Variants in PPP1R37 observed in about 807,000 individuals in gnomAD.
PPP1R37 encodes leucine rich repeat containing 68.
Under a neutral mutation model 61.0 loss-of-function variants are expected in PPP1R37, and 21 were observed. That is an observed-to-expected ratio of 0.34 (90% CI 0.24 to 0.50). The LOEUF is 0.50. Among genes scored for constraint, PPP1R37 ranks in the 20% least tolerant of loss-of-function variants. The pLI, the probability that PPP1R37 is intolerant of heterozygous loss-of-function variation, is 0.98. For synonymous variants in PPP1R37, 443 were observed against 433.5 expected, an observed-to-expected ratio of 1.02 and a Z score of -0.27; for missense variants, 910 against 952.7, an observed-to-expected ratio of 0.96 and a Z score of 0.59.
intron 1 of PPP1R37, among the ~76,000 whole-genome samples, chr19:45,111,993 C>G (rs1234473025): frequency 1.3e-5 from 2 of 150,692 alleles, no homozygotes; most frequent in South Asian, 4.2e-4. Flanking sequence ...TCTTTTGAGA[C>G]AGTCTCGCTC....
chr19:45,140,879 C>G (rs1968602381), intron 4 of PPP1R37, among the ~76,000 whole-genome samples: 1 of 152,168 alleles, frequency 6.6e-6, no homozygotes, highest in Non-Finnish European at 1.5e-5. Flanking sequence ...CCCAGGAGCC[C>G]TTTCAGGAAC....
At chr19:45,127,796 G>A (rs369034322) in intron 1 of PPP1R37, among the ~76,000 whole-genome samples, 1 of 152,028 alleles carries the variant, frequency 6.6e-6, no homozygotes, top group African/African-American at 2.4e-5. Flanking sequence ...CTAACACAGT[G>A]AAACCCTGTC....
chr19:45,146,465 C>T lies in PPP1R37; in HGVS notation c.2069C>T (p.Thr690Ile), dbSNP rs1362087823. Residue 690 changes from threonine (T) to isoleucine (I), a missense_variant, in exon 12 of 13, where the codon ACA becomes ATA. Physicochemically the swap from Thr to Ile is moderately conservative, Grantham distance 89 (BLOSUM62 -1). Coordinates refer to ENST00000221462, the MANE Select transcript of PPP1R37 (RefSeq NM_019121.2). ...GCCAGTCAGGAATCCGGGCAGGAGA[C>T]ACTGTGACACTTTAGGTGAGGCCAG... ...LEASQESGQETL is the reference protein window; with the variant it reads ...LEASQESGQEIL The T allele has an allele frequency of 5.2e-6, 8 of 1,535,388 alleles. No homozygotes were observed. The highest frequency in any genetic ancestry group is 7.0e-6 in the Non-Finnish European group (8 of 1,146,550).
At chr19:45,138,047 T>C (rs577508051) in intron 1 of PPP1R37, among the ~76,000 whole-genome samples, 3 of 152,100 alleles carry the variant, frequency 2.0e-5, no homozygotes, top group African/African-American at 4.8e-5. Context: ...TGCTTGAGCC[T>C]GGGAGGTCAA....
At chr19:45,112,103 C>G (rs950667858) in intron 1 of PPP1R37, among the ~76,000 whole-genome samples, 4 of 151,980 alleles carry the variant, frequency 2.6e-5, no homozygotes, top group African/African-American at 9.7e-5. Context: ...CAAATCCCAG[C>G]TGGGATTACA....
At chr19:45,103,223 C>T (rs1018124083) in intron 1 of PPP1R37, among the ~76,000 whole-genome samples, 2 of 152,194 alleles carry the variant, frequency 1.3e-5, no homozygotes, top group Non-Finnish European at 2.9e-5. Flanking sequence ...CTCTAGGCAG[C>T]TGGTACTGAG....
intron 1 of PPP1R37, among the ~76,000 whole-genome samples, chr19:45,101,686 C>G (rs1968064675): frequency 6.6e-6 from 1 of 152,040 alleles, no homozygotes; most frequent in Non-Finnish European, 1.5e-5. Context: ...CCACTGCCCT[C>G]CAGCCTATGT....
At chr19:45,118,632 A>G (rs1968299774) in intron 1 of PPP1R37, among the ~76,000 whole-genome samples, 1 of 152,200 alleles carries the variant, frequency 6.6e-6, no homozygotes, top group Non-Finnish European at 1.5e-5. Flanking sequence ...ACGTTGGGAC[A>G]CCACAGTTAC....
At chr19:45,142,257 G>T (rs747665493) in intron 6 of PPP1R37, 46 bp downstream of exon 6, 6 of 1,533,850 alleles carry the variant, frequency 3.9e-6, no homozygotes, top group African/African-American at 2.7e-5. Flanking sequence ...CAGCCTGTTG[G>T]GGGGCAGGGG....
chr19:45,135,265 G>T (rs987266411), intron 1 of PPP1R37, among the ~76,000 whole-genome samples: 15 of 152,090 alleles, frequency 9.9e-5, no homozygotes, highest in Non-Finnish European at 1.6e-4. Context: ...AAGAAGAGGT[G>T]CCATCCCAAT....
intron 1 of PPP1R37, among the ~76,000 whole-genome samples, chr19:45,117,259 C>G (rs10419255): frequency 0.72 from 109,116 of 151,922 alleles, 40,995 homozygotes; most frequent in African/African-American, 0.92. Flanking sequence ...TCAGCTGCGG[C>G]TTAAGCTGCA....
rs1968664624 is a variant in PPP1R37 at position 45,144,883 on chromosome 19, C to G, written c.1017C>G (p.Asn339Lys). 1 of 1,535,376 alleles carries G rather than the reference C, an allele frequency of 6.5e-7. No homozygotes were observed. Among genetic ancestry groups the G allele is most frequent in the African/African-American group, 1.4e-5 (1 of 73,150 alleles). Reference protein sequence around the residue: ...LPHTQSLETLNLGHNPIGNEG... With the variant: ...LPHTQSLETLKLGHNPIGNEG... ...ACACTCAGAGCCTGGAGACGCTGAA[C>G]CTGGGCCACAACCCCATCGGGAACG... Residue 339 changes from asparagine (N) to lysine (K), a missense_variant, in exon 9 of 13, where the codon AAC (asparagine) becomes AAG (lysine). Transcript: ENST00000221462.
At chr19:45,140,775 G>C (rs1277409833) in intron 4 of PPP1R37, 169 bp downstream of exon 4, 1 of 605,548 alleles carries the variant, frequency 1.7e-6, no homozygotes, top group Non-Finnish European at 2.9e-6. Flanking sequence ...AATATGACCA[G>C]AGTGGATGTG....
chr19:45,140,350 C>A, intron 3 of PPP1R37, 69 bp downstream of exon 3: 2 of 1,424,160 alleles, frequency 1.4e-6, no homozygotes, highest in South Asian at 2.4e-5. Context: ...AGAGCTGGGT[C>A]TGAGGACCTG....
intron 3 of PPP1R37, 85 bp from the exon 4 acceptor site, chr19:45,140,421 G>A (rs1439067179): frequency 2.4e-6 from 3 of 1,271,474 alleles, no homozygotes; most frequent in Non-Finnish European, 3.3e-6. Flanking sequence ...CCTGGTGGGG[G>A]GTGGGAGGTT....
rs938355402 is a variant in PPP1R37 at position 45,143,507 on chromosome 19, C to T, written c.875-14C>T. 1.7e-5 allele frequency: 26 copies of T among 1,494,334 alleles called. No homozygotes were observed. Among genetic ancestry groups the T allele is most frequent in the Non-Finnish European group, 2.3e-5 (25 of 1,109,426 alleles). The allele number at this position is 1,494,334 out of a possible 1,614,324, so 92.6% of individuals were successfully genotyped here. ...CGGACCCCAGACAGGGCTCTGACTGCCGGCCTCCTCCAGGTCTGGCCTACA... is the reference window on the plus strand; with the variant it reads ...CGGACCCCAGACAGGGCTCTGACTGTCGGCCTCCTCCAGGTCTGGCCTACA... On this transcript the variant is annotated splice_polypyrimidine_tract_variant and intron_variant, in intron 7 of 12. Coordinates refer to ENST00000221462, the MANE Select transcript of PPP1R37 (RefSeq NM_019121.2).
chr19:45,132,715 C>A (rs543679748), intron 1 of PPP1R37, among the ~76,000 whole-genome samples: 1 of 151,812 alleles, frequency 6.6e-6, no homozygotes, highest in African/African-American at 2.4e-5. Flanking sequence ...ACTACAGGCA[C>A]GCACCACCAT....
At chr19:45,131,596 A>G (rs79018068) in intron 1 of PPP1R37, among the ~76,000 whole-genome samples, 5,980 of 152,292 alleles carry the variant, frequency 0.039, 178 homozygotes, top group East Asian at 0.068. Flanking sequence ...GTGCATGGAA[A>G]GTACTTAGGA....
At chr19:45,138,354 A>G (rs1180316180) in intron 1 of PPP1R37, among the ~76,000 whole-genome samples, 160 bp from the exon 2 acceptor site, 2 of 152,142 alleles carry the variant, frequency 1.3e-5, no homozygotes, top group Non-Finnish European at 2.9e-5. Context: ...GGCAGTGGCC[A>G]GCGGGGGGCC....
Sources: allele counts gnomAD v4.1 joint callset (sites outside exome capture counted in the v4.1 genomes callset), GRCh38; gene constraint gnomAD v4.1.1; transcripts MANE v1.5; gene names NCBI Gene and HGNC (gene_info 2026-07-23, HGNC 2026-07-21).